NFASC: variants seen among roughly 807,000 people sequenced by gnomAD.
NFASC encodes neurofascin.
A neutral mutation model predicts 147.5 loss-of-function variants in NFASC; 43 were observed. That is an observed-to-expected ratio of 0.29 (90% CI 0.23 to 0.38). The LOEUF is 0.38. Among genes scored for constraint, NFASC ranks in the 10% least tolerant of loss-of-function variants. The probability of loss-of-function intolerance (pLI) is 1.00; values close to 1 mark genes in which losing one functional copy is unlikely to be tolerated. For missense variants in NFASC, 1,320 were observed against 1,689.0 expected, an observed-to-expected ratio of 0.78 and a Z score of 3.83; for synonymous variants, 622 against 665.5, an observed-to-expected ratio of 0.93 and a Z score of 1.01.
chr1:204,906,550 A>G (rs1558052082), intron 1 of NFASC, among the ~76,000 whole-genome samples: 1 of 152,234 alleles, frequency 6.6e-6, no homozygotes, highest in South Asian at 2.1e-4. Flanking sequence ...ATATTGCTGT[A>G]TAGTATTCCA....
At chr1:204,940,319 G>A (rs138668293) in intron 2 of NFASC, among the ~76,000 whole-genome samples, 159 of 152,232 alleles carry the variant, frequency 1.0e-3, no homozygotes, top group African/African-American at 3.5e-3. Flanking sequence ...TGGGTGTGGT[G>A]GCACATGCCT....
intron 24 of NFASC, among the ~76,000 whole-genome samples, chr1:204,994,076 G>GTAA (rs2095798018): frequency 6.6e-6 from 1 of 152,164 alleles, no homozygotes; most frequent in Non-Finnish European, 1.5e-5. Context: ...TAATGAGTGG[G>GTAA]TCGGAGATGT....
chr1:204,844,603 G>A (rs1035837882), intron 1 of NFASC, among the ~76,000 whole-genome samples: 9 of 152,190 alleles, frequency 5.9e-5, no homozygotes, highest in African/African-American at 1.9e-4. Flanking sequence ...ACTGCAGGCT[G>A]GGCGCGGTGG....
At chr1:204,994,154 G>T (rs529970075) in intron 24 of NFASC, among the ~76,000 whole-genome samples, 146 of 152,290 alleles carry the variant, frequency 9.6e-4, no homozygotes, top group African/African-American at 3.4e-3. Context: ...GAGCCCCGGG[G>T]AGGCTGCCGG....
In NFASC at chr1:204,979,691, A is replaced by G; in HGVS notation, c.2176+132A>G. 1.3e-6 allele frequency: 1 copy of G among 787,488 alleles called. No homozygotes were observed. Among genetic ancestry groups the G allele is most frequent in the South Asian group, 1.5e-5 (1 of 65,290 alleles). 48.8% of individuals were successfully genotyped at this position (787,488 alleles called of 1,614,324 possible). ...CAAGGCCCGGCCTCATCTGTGAGGC[A>G]GAGAGTAATAATAACACCTACATCA... On this transcript the variant is annotated intron_variant, in intron 19 of 29. Transcript: ENST00000339876. The surrounding 1 kb of genome is among the most constrained non-coding windows in gnomAD (Gnocchi z 6.0).
intron 3 of NFASC, chr1:204,946,800 C>T (rs1056196380): frequency 4.9e-5 from 25 of 510,210 alleles, no homozygotes; most frequent in African/African-American, 4.1e-4. Flanking sequence ...CCTGGGCTGC[C>T]AGCCTTCTTT....
chr1:204,913,966 G>A (rs1055251013), intron 1 of NFASC, among the ~76,000 whole-genome samples: 9 of 150,032 alleles, frequency 6.0e-5, no homozygotes, highest in Non-Finnish European at 1.0e-4. Context: ...CATAAAAATA[G>A]TCTTGAAAAA....
intron 1 of NFASC, among the ~76,000 whole-genome samples, chr1:204,867,235 G>A (rs1222959820): frequency 6.6e-6 from 1 of 152,060 alleles, no homozygotes; most frequent in Non-Finnish European, 1.5e-5. Context: ...AGAGCATTCT[G>A]GTAACAACAG....
Position 204,976,704 on chromosome 1 carries a change from T to C in NFASC, c.1740T>C (p.Phe580=), listed in dbSNP as rs952851494. The C allele has an allele frequency of 7.4e-6, 12 of 1,613,884 alleles. No individual in the cohort carries two copies. Among genetic ancestry groups the C allele is most frequent in the East Asian group, 6.7e-5 (3 of 44,894 alleles). Residue 580 remains phenylalanine, a synonymous_variant, in exon 16 of 30, where the codon TTT becomes TTC. Coordinates refer to ENST00000339876, the MANE Select transcript of NFASC (RefSeq NM_001005388.3). ...AGGAAGACGACTCCCTGACCATCTT[T>C]GGGGTGGCAGAGCGGGACCAGGGCA... ...MKKEDDSLTI[F]GVAERDQGSY...
intron 1 of NFASC, among the ~76,000 whole-genome samples, chr1:204,845,924 G>A (rs1676907453): frequency 6.6e-6 from 1 of 152,076 alleles, no homozygotes; most frequent in Non-Finnish European, 1.5e-5. Context: ...AGCTCATGAG[G>A]TTATGGCTCC....
intron 27 of NFASC, among the ~76,000 whole-genome samples, chr1:205,006,331 T>C (rs969054889): frequency 6.6e-6 from 1 of 152,154 alleles, no homozygotes; most frequent in African/African-American, 2.4e-5. Context: ...AAGACTTTAA[T>C]AGTATAATTG....
At chr1:204,950,618 GGAGGAAT>G in intron 4 of NFASC, 44 bp downstream of exon 4, 1 of 1,589,036 alleles carries the variant, frequency 6.3e-7, no homozygotes, top group Non-Finnish European at 8.6e-7. Flanking sequence ...GAGTTGGGAG[GGAGGAAT>G]GAGGCATGAG....
intron 1 of NFASC, among the ~76,000 whole-genome samples, chr1:204,916,700 T>C (rs2089332153): frequency 7.0e-6 from 1 of 143,244 alleles, no homozygotes; most frequent in South Asian, 2.4e-4. Flanking sequence ...CTCACATGGA[T>C]TCTTTTTTGT....
At position 205,002,606 on chromosome 1, in the gene NFASC, G is replaced by GA. The variant is rs754233948; in HGVS notation, c.3154dup (p.Thr1052AsnfsTer5). ...GTTTCTGTTCCCCAGGCAACCATAC[G>GA]AAAAAAACTGTCCCAGTTAAGGCCC... is the stretch of plus-strand genomic sequence containing the variant. On this transcript the variant is annotated frameshift_variant, in exon 27 of 30. Coordinates refer to ENST00000339876, the MANE Select transcript of NFASC (RefSeq NM_001005388.3). LOFTEE classifies it high-confidence loss of function. 6.6e-6 allele frequency: 10 copies of GA among 1,521,954 alleles called. No individual in the cohort carries two copies. Among genetic ancestry groups the GA allele is most frequent in the South Asian group, 1.2e-5 (1 of 80,730 alleles). The allele number at this position is 1,521,954 out of a possible 1,614,324, so 94.3% of individuals were successfully genotyped here.
chr1:204,928,206 G>A (rs75623084), intron 2 of NFASC, among the ~76,000 whole-genome samples: 1,757 of 152,278 alleles, frequency 0.012, 34 homozygotes, highest in African/African-American at 0.03. Context: ...CCTTCACAGG[G>A]TGTTGGGTCA....
intron 1 of NFASC, among the ~76,000 whole-genome samples, chr1:204,879,526 A>G (rs1252525194): frequency 6.6e-6 from 1 of 152,182 alleles, no homozygotes; most frequent in African/African-American, 2.4e-5. Flanking sequence ...GAGAGAGGAG[A>G]GATAACGGGA....
intron 1 of NFASC, among the ~76,000 whole-genome samples, chr1:204,883,518 TG>T (rs2080717697): frequency 6.6e-6 from 1 of 152,224 alleles, no homozygotes; most frequent in South Asian, 2.1e-4. Flanking sequence ...AGGAGTCAGC[TG>T]GCAGGTGGAA....
At chr1:205,003,855 C>T (rs906268344) in intron 27 of NFASC, among the ~76,000 whole-genome samples, 3 of 152,220 alleles carry the variant, frequency 2.0e-5, no homozygotes, top group Non-Finnish European at 2.9e-5. Flanking sequence ...CTATCCTAGT[C>T]CTTCCTGGTC....
chr1:204,959,364 A>T (rs2094561483), intron 8 of NFASC, among the ~76,000 whole-genome samples: 1 of 152,284 alleles, frequency 6.6e-6, no homozygotes, highest in Non-Finnish European at 1.5e-5. Flanking sequence ...TGACTTTCTC[A>T]TTCCTGACCC....
Sources: gnomAD v4.1 joint callset for allele counts (sites outside exome capture counted in the v4.1 genomes callset) on GRCh38, gnomAD v4.1.1 for gene constraint, Gnocchi (gnomAD v3.1) non-coding constraint, MANE v1.5 for transcripts, NCBI Gene and HGNC (gene_info 2026-07-23, HGNC 2026-07-21) for gene names.